The following ZNF519 variants were observed in gnomAD, a reference collection of about 807,000 sequenced individuals.
ZNF519 encodes the protein zinc finger protein 519.
A neutral mutation model predicts 7.4 loss-of-function variants in ZNF519; 7 were observed. The ratio of observed to expected loss-of-function variants is 0.94; its 90% CI spans 0.54 to 1.77. The LOEUF is 1.77. ZNF519 is among the 40% of genes most tolerant of loss of function. The probability of loss-of-function intolerance (pLI) is 0.00; values close to 1 mark genes in which losing one functional copy is unlikely to be tolerated. For synonymous variants in ZNF519, 179 were observed against 203.3 expected (o/e 0.88, Z 1.02); for missense variants, 586 against 623.1 (o/e 0.94, Z 0.63).
Position 14,124,494 on chromosome 18 carries a change from A to C in ZNF519, c.4-18T>G. 6.2e-7 allele frequency: 1 copy of C among 1,603,876 alleles called. No homozygotes were observed. Among genetic ancestry groups the C allele is most frequent in the East Asian group, 2.2e-5 (1 of 44,774 alleles). ...AAGAGTTCCTGGAAACACATATATC[A>C]AGTGACAGAGCTCTTAATTTGACTA... is the stretch of plus-strand genomic sequence containing the variant. On this transcript the variant is annotated intron_variant, in intron 1 of 2. Transcript: ENST00000590202.
Position 14,131,676 on chromosome 18 carries a change from AAAC to A in ZNF519, c.3+596_3+598del, listed in dbSNP as rs1323833671. Among the ~76,000 whole-genome samples, 6 of 152,300 alleles carry A rather than the reference AAAC, an allele frequency of 3.9e-5. No individual in the cohort carries two copies. The South Asian group carries it at 6.2e-4, about 16-fold the overall frequency. The stretch of plus-strand genomic sequence containing the variant: ...TTAGGAGGAAACGAAATTCAAGCTT[AAAC>A]AACTACAAACCTCCAATTAATCCCT... On this transcript the variant is annotated intron_variant, in intron 1 of 2. Coordinates refer to ENST00000590202, the MANE Select transcript of ZNF519 (RefSeq NM_145287.4).
chr18:14,105,784 T>G lies in ZNF519; in HGVS notation c.756A>C (p.Leu252=). The G allele has an allele frequency of 6.2e-7, 1 of 1,611,124 alleles. No individual in the cohort carries two copies. Among genetic ancestry groups the G allele is most frequent in the Non-Finnish European group, 8.5e-7 (1 of 1,179,326 alleles). ...KCIIVFSQSH[L]KGHKIINTGE... ...CAGTGTTAATTATCTTATGTCCCTT[T>G]AGATGTGATTGACTAAAGACTATTA... is the stretch of plus-strand genomic sequence containing the variant. Residue 252 remains leucine (L), a synonymous_variant, in exon 3 of 3, where the codon CTA becomes CTC. Transcript: ENST00000590202.
chr18:14,132,191 A>G, intron 1 of ZNF519, 84 bp downstream of exon 1: 1 of 1,531,764 alleles, frequency 6.5e-7, no homozygotes, highest in Non-Finnish European at 9.0e-7. Context: ...CTCGACTCGC[A>G]GACTAGGTCC....
intron 2 of ZNF519, 57 bp downstream of exon 2, chr18:14,124,293 G>A: frequency 6.6e-7 from 1 of 1,510,008 alleles, no homozygotes; most frequent in East Asian, 2.3e-5. Context: ...AGTCTACAAA[G>A]AAAGAAAATA....
rs143490302 is a variant in ZNF519, at chr18:14,128,834, C to A, written c.3+3441G>T. Among the ~76,000 whole-genome samples the A allele has an allele frequency of 7.9e-4, 120 of 152,152 alleles. No homozygotes were observed. In the East Asian group the frequency reaches 0.015, roughly 19 times the overall value. On this transcript the variant is annotated intron_variant, in intron 1 of 2. Transcript: ENST00000590202. ...AAGAAAAGAAGAGCAAAAATTCTTCCCTCATTTTAAAGAGAAAGCATTAAG... is the reference window on the plus strand; with the variant it reads ...AAGAAAAGAAGAGCAAAAATTCTTCACTCATTTTAAAGAGAAAGCATTAAG...
downstream of ZNF519, among the ~76,000 whole-genome samples, chr18:14,095,646 G>T (rs1470114037): frequency 6.6e-6 from 1 of 152,238 alleles, no homozygotes; most frequent in Non-Finnish European, 1.5e-5. Context: ...AGCAGTTCCA[G>T]CAGCTCTATC....
chr18:14,123,710 C>A (rs923762806), intron 2 of ZNF519, among the ~76,000 whole-genome samples: 1 of 151,894 alleles, frequency 6.6e-6, no homozygotes, highest in East Asian at 1.9e-4. Context: ...AGCAAGACTC[C>A]GTTTGCAAAA....
At position 14,105,908 on chromosome 18, in the gene ZNF519, G is replaced by A; in HGVS notation, c.632C>T (p.Ser211Phe). The A allele has an allele frequency of 6.2e-7, 1 of 1,610,126 alleles. No homozygotes were observed. The highest frequency in any genetic ancestry group is 8.5e-7 in the Non-Finnish European group (1 of 1,178,872). The change falls in exon 3 of 3, where the codon TCT becomes TTT. Residue 211 changes from serine (S) to phenylalanine (F), a missense_variant. Coordinates refer to ENST00000590202, the MANE Select transcript of ZNF519 (RefSeq NM_145287.4). Reference protein sequence around the residue: ...NIHIQKKPYNSNECGETSDPF... With the variant: ...NIHIQKKPYNFNECGETSDPF... ...GTCAGAAGTTTCACCACATTCATTA[G>A]AGTTGTAAGGCTTTTTTTGAATATG...
chr18:14,124,089 C>T (rs2046283938), intron 2 of ZNF519: 2 of 201,894 alleles, frequency 9.9e-6, no homozygotes, highest in African/African-American at 2.4e-5. Flanking sequence ...AGGAGAATCA[C>T]TTGAACCCAG....
At chr18:14,096,750 G>A (rs1015308701), downstream of ZNF519, among the ~76,000 whole-genome samples, 3 of 152,162 alleles carry the variant, frequency 2.0e-5, no homozygotes, top group Non-Finnish European at 4.4e-5. Context: ...AAGTTTTGGA[G>A]AGTAAATCTC....
chr18:14,095,284 T>G (rs2046131513), downstream of ZNF519, among the ~76,000 whole-genome samples: 1 of 152,220 alleles, frequency 6.6e-6, no homozygotes, highest in African/African-American at 2.4e-5. Flanking sequence ...AGAGTCACTG[T>G]GTGACTCTGC....
intron 3 of ZNF519, among the ~76,000 whole-genome samples, chr18:14,081,876 A>T (rs78071218): frequency 6.6e-6 from 1 of 152,148 alleles, no homozygotes; most frequent in Non-Finnish European, 1.5e-5. Context: ...AATTCACATT[A>T]AGGGTAAATG....
chr18:14,123,293 C>G (rs1354105702), intron 2 of ZNF519: 1 of 153,058 alleles, frequency 6.5e-6, no homozygotes, highest in Non-Finnish European at 1.5e-5. Flanking sequence ...CTATGCTAAG[C>G]AGAAAAGAGA....
intron 2 of ZNF519, among the ~76,000 whole-genome samples, chr18:14,087,200 A>G (rs539685224): frequency 7.5e-4 from 114 of 152,324 alleles, no homozygotes; most frequent in Non-Finnish European, 1.3e-3. Flanking sequence ...ATATACCTCA[A>G]TATAATAAAG....
Position 14,104,778 on chromosome 18 carries a change from A to G in ZNF519, c.*139T>C, listed in dbSNP as rs564920401. ...AGTTCTTTCTAAAGTGACACTTCTA[A>G]TTTTTATTTAATCTTCATTTTGATG... On this transcript the variant is annotated 3_prime_UTR_variant, in exon 3 of 3. Coordinates refer to ENST00000590202, the MANE Select transcript of ZNF519 (RefSeq NM_145287.4). The G allele has an allele frequency of 1.7e-4, 173 of 998,812 alleles. No individual in the cohort carries two copies. In the African/African-American group the frequency reaches 2.7e-3, roughly 16 times the overall value. 61.9% of individuals were successfully genotyped at this position (998,812 alleles called of 1,614,324 possible).
At chr18:14,081,510 T>C (rs1598506892) in intron 3 of ZNF519, among the ~76,000 whole-genome samples, 3 of 152,208 alleles carry the variant, frequency 2.0e-5, no homozygotes, top group Admixed American at 1.3e-4. Context: ...CAGATGTCCT[T>C]GCAGAAATAT....
At chr18:14,107,743 G>A (rs2046200616) in intron 2 of ZNF519, among the ~76,000 whole-genome samples, 1 of 152,118 alleles carries the variant, frequency 6.6e-6, no homozygotes. Flanking sequence ...CACTACAAGT[G>A]AACTAAAGAG....
downstream of ZNF519, among the ~76,000 whole-genome samples, chr18:14,099,483 TC>T (rs2046150653): frequency 6.6e-6 from 1 of 152,122 alleles, no homozygotes; most frequent in African/African-American, 2.4e-5. Context: ...TCCTAACATC[TC>T]CTCAGAAATC....
intron 1 of ZNF519, among the ~76,000 whole-genome samples, chr18:14,127,173 T>A (rs1468244144): frequency 1.3e-5 from 2 of 152,146 alleles, no homozygotes; most frequent in African/African-American, 4.8e-5. Flanking sequence ...AAGGTGCTTG[T>A]TTAACTTACA....
Sources: allele counts gnomAD v4.1 joint callset (sites outside exome capture counted in the v4.1 genomes callset), GRCh38; gene constraint gnomAD v4.1.1; transcripts MANE v1.5; gene names NCBI Gene and HGNC (gene_info 2026-07-23, HGNC 2026-07-21).